CPEB3: variants seen among roughly 807,000 people sequenced by gnomAD.
The protein encoded by CPEB3 is cytoplasmic polyadenylation element binding protein 3.
A neutral mutation model predicts 67.2 loss-of-function variants in CPEB3; 20 were observed. The ratio of observed to expected loss-of-function variants is 0.30; its 90% confidence interval spans 0.21 to 0.43. The LOEUF (loss-of-function observed/expected upper bound fraction) is 0.43. CPEB3 is among the 20% of genes least tolerant of loss of function. The pLI, the probability that CPEB3 is intolerant of heterozygous loss-of-function variation, is 1.00. For synonymous variants in CPEB3, 376 were observed against 393.1 expected (o/e 0.96, Z 0.51); for missense variants, 746 against 968.6 (o/e 0.77, Z 3.05).
chr10:92,288,013 TATA>T (rs1842615193), intron 1 of CPEB3, among the ~76,000 whole-genome samples: 1 of 152,190 alleles, frequency 6.6e-6, no homozygotes, highest in South Asian at 2.1e-4. Context: ...TCTCACTTGG[TATA>T]ATGTTTTCAA....
intron 6 of CPEB3, among the ~76,000 whole-genome samples, chr10:92,115,309 A>AG (rs1844961977): frequency 6.6e-6 from 1 of 152,152 alleles, no homozygotes; most frequent in African/African-American, 2.4e-5. Flanking sequence ...GTGTGACACC[A>AG]CACCCGACTA....
chr10:92,110,274 C>A (rs1844669312), intron 7 of CPEB3, among the ~76,000 whole-genome samples: 1 of 152,202 alleles, frequency 6.6e-6, no homozygotes, highest in South Asian at 2.1e-4. Flanking sequence ...TGGTCTCTTG[C>A]CCACTCTGTG....
chr10:92,161,729 A>G (rs1019005959), intron 4 of CPEB3, among the ~76,000 whole-genome samples: 4 of 152,156 alleles, frequency 2.6e-5, no homozygotes, highest in African/African-American at 9.7e-5. Flanking sequence ...CAGTGGCATG[A>G]TCTTGGTTCA....
intron 3 of CPEB3, among the ~76,000 whole-genome samples, chr10:92,185,193 A>G (rs1480205950): frequency 2.6e-5 from 4 of 152,224 alleles, no homozygotes; most frequent in African/African-American, 7.2e-5. Context: ...TCACCTGTCC[A>G]TGGTCTGCTA....
rs188937257 is a variant in CPEB3, at chr10:92,207,871, A to G, written c.1006-15235T>C. Among the ~76,000 whole-genome samples the G allele has an allele frequency of 4.3e-3, 660 of 152,366 alleles. 6 individuals carry two copies. The highest frequency in any genetic ancestry group is 0.02 in the Middle Eastern group (6 of 294). Reference sequence around the variant, plus strand: ...AGCGATAGAGCGAGACTCTGTCTCAAAACAAACAACAACAAAAAAACATGT... The same window carrying G: ...AGCGATAGAGCGAGACTCTGTCTCAGAACAAACAACAACAAAAAAACATGT... On this transcript the variant is annotated intron_variant, in intron 2 of 9. Transcript: ENST00000265997.
chr10:92,116,955 A>G (rs1239003215), intron 6 of CPEB3, among the ~76,000 whole-genome samples: 2 of 152,218 alleles, frequency 1.3e-5, no homozygotes, highest in Non-Finnish European at 2.9e-5. Flanking sequence ...AAGGTTTGGG[A>G]AGGAACTTAA....
intron 4 of CPEB3, among the ~76,000 whole-genome samples, chr10:92,169,598 T>TAA (rs1847912339): frequency 1.3e-5 from 2 of 152,318 alleles, no homozygotes; most frequent in African/African-American, 4.8e-5. Context: ...CAGTGGCACT[T>TAA]AAAGTACCTT....
chr10:92,164,638 G>A (rs570659726), intron 4 of CPEB3, among the ~76,000 whole-genome samples: 9 of 152,116 alleles, frequency 5.9e-5, no homozygotes, highest in Non-Finnish European at 1.0e-4. Context: ...TATTTTTATT[G>A]CTGAGTAGTA....
At chr10:92,241,098 G>A (rs1851831020) in intron 1 of CPEB3, among the ~76,000 whole-genome samples, 1 of 152,076 alleles carries the variant, frequency 6.6e-6, no homozygotes, top group South Asian at 2.1e-4. Context: ...CTACTGAAAC[G>A]TTTGGAAGTG....
At chr10:92,197,069 A>C (rs1849277691) in intron 2 of CPEB3, among the ~76,000 whole-genome samples, 1 of 152,210 alleles carries the variant, frequency 6.6e-6, no homozygotes, top group African/African-American at 2.4e-5. Flanking sequence ...ATGCTATCTC[A>C]AGAGTACTGA....
intron 1 of CPEB3, among the ~76,000 whole-genome samples, chr10:92,288,748 G>A (rs1842654697): frequency 2.6e-5 from 4 of 152,152 alleles, no homozygotes; most frequent in Admixed American, 2.6e-4. Context: ...TCCAATTTCA[G>A]TTGAAACAGA....
chr10:92,286,573 A>AGAC (rs1207050226), intron 1 of CPEB3, among the ~76,000 whole-genome samples: 3 of 150,938 alleles, frequency 2.0e-5, no homozygotes, highest in Non-Finnish European at 4.4e-5. Flanking sequence ...CAGCAGAGCA[A>AGAC]GACTCTATCT....
chr10:92,200,478 G>A (rs953472757), intron 2 of CPEB3, among the ~76,000 whole-genome samples: 1 of 143,024 alleles, frequency 7.0e-6, no homozygotes, highest in African/African-American at 2.6e-5. Context: ...CCGGGAGGCA[G>A]AGGTTGAGGT....
upstream of CPEB3, chr10:92,291,112 C>G (rs1204251955): frequency 3.6e-5 from 12 of 329,432 alleles, no homozygotes; most frequent in Admixed American, 3.8e-4. Flanking sequence ...ATCTCCCAGG[C>G]TGCTCTGGGC....
At chr10:92,139,437 A>G (rs1395568979) in intron 6 of CPEB3, among the ~76,000 whole-genome samples, 1 of 152,076 alleles carries the variant, frequency 6.6e-6, no homozygotes, top group African/African-American at 2.4e-5. Flanking sequence ...CAGAAAGACA[A>G]ACTTCCCATT....
rs991775372 is a variant in CPEB3 at position 92,163,102 on chromosome 10, G to A, written c.1222+17861C>T. Among the ~76,000 whole-genome samples, 11 of 152,050 alleles carry A rather than the reference G, an allele frequency of 7.2e-5. 1 individual carries two copies. The highest frequency in any genetic ancestry group is 1.4e-4 in the African/African-American group (6 of 41,396). ...GATGAATGTGTAACATGTATCCACC[G>A]TTACAGTATCATATAGAATAGTTTC... On this transcript the variant is annotated intron_variant, in intron 4 of 9. Transcript: ENST00000265997.
intron 6 of CPEB3, chr10:92,118,842 T>C: frequency 1.3e-6 from 1 of 781,550 alleles, no homozygotes; most frequent in Admixed American, 1.7e-5. Context: ...AGTTGGTCTC[T>C]TCCCATGGCA....
At chr10:92,265,761 G>T (rs1454663679) in intron 1 of CPEB3, among the ~76,000 whole-genome samples, 1 of 143,442 alleles carries the variant, frequency 7.0e-6, no homozygotes, top group East Asian at 2.0e-4. Flanking sequence ...AAAAAAAAAA[G>T]AAAGAAAGAA....
intron 1 of CPEB3, among the ~76,000 whole-genome samples, chr10:92,265,765 G>A (rs1590576179): frequency 6.9e-6 from 1 of 145,348 alleles, no homozygotes; most frequent in African/African-American, 2.5e-5. Flanking sequence ...AAAAAAGAAA[G>A]AAAGAAAAAG....
Sources: allele counts gnomAD v4.1 joint callset (sites outside exome capture counted in the v4.1 genomes callset), GRCh38; gene constraint gnomAD v4.1.1; transcripts MANE v1.5; gene names NCBI Gene and HGNC (gene_info 2026-07-23, HGNC 2026-07-21).